The following ARHGAP32 variants were observed in gnomAD, a reference collection of about 807,000 sequenced individuals.
ARHGAP32 encodes Rho GTPase activating protein 32.
In ARHGAP32, 51 loss-of-function variants were observed where a neutral mutation model predicts 186.5. That is an observed-to-expected ratio of 0.27 (90% CI 0.22 to 0.35). The LOEUF (loss-of-function observed/expected upper bound fraction) is 0.35, where lower values mean the gene tolerates loss of function less well. Ranked by LOEUF, ARHGAP32 falls within the 10% of genes least tolerant of loss-of-function variation. The pLI, the probability that ARHGAP32 is intolerant of heterozygous loss-of-function variation, is 1.00. For synonymous variants in ARHGAP32, 950 were observed against 964.3 expected (o/e 0.99, Z 0.27); for missense variants, 2,186 against 2,623.5 (o/e 0.83, Z 3.64).
At chr11:129,062,607 A>G (rs1163527315) in intron 9 of ARHGAP32, among the ~76,000 whole-genome samples, 1 of 152,220 alleles carries the variant, frequency 6.6e-6, no homozygotes, top group East Asian at 1.9e-4. Context: ...GTAACTTCAG[A>G]AAGCCAGATT....
At position 129,159,096 on chromosome 11, in the gene ARHGAP32, G is replaced by A. The variant is rs184801957; in HGVS notation, c.225+5223C>T. 1.5e-3 allele frequency among the ~76,000 whole-genome samples: 226 copies of A among 152,308 alleles called. 1 individual carries two copies. The highest frequency in any genetic ancestry group is 5.0e-3 in the African/African-American group (209 of 41,576). On this transcript the variant is annotated intron_variant, in intron 2 of 22. Transcript: ENST00000682385. ...ATTTATTGCATTAATGACCACAGGAGAAAGTGGGAAAGATCTAAAATTGGT... is the reference window on the plus strand; with the variant it reads ...ATTTATTGCATTAATGACCACAGGAAAAAGTGGGAAAGATCTAAAATTGGT...
chr11:129,106,172 A>G (rs2135319739), intron 5 of ARHGAP32, among the ~76,000 whole-genome samples: 1 of 152,236 alleles, frequency 6.6e-6, no homozygotes, highest in South Asian at 2.1e-4. Flanking sequence ...CCATTACTGG[A>G]TATATATACA....
rs371954838 is a variant in ARHGAP32 at position 128,969,834 on chromosome 11, C to T, written c.5379G>A (p.Ala1793=). 97 of 1,614,038 alleles carry T rather than the reference C, an allele frequency of 6.0e-5. No individual in the cohort carries two copies. Among genetic ancestry groups the T allele is most frequent in the Non-Finnish European group, 6.4e-5 (76 of 1,180,040 alleles). ...VMSQYDNMTP[A]VQDDLGGIYV... Reference sequence around the variant, plus strand: ...AGATCCCACCCAAGTCGTCCTGCACCGCCGGGGTCATGTTATCATATTGGG... The same window carrying T: ...AGATCCCACCCAAGTCGTCCTGCACTGCCGGGGTCATGTTATCATATTGGG... Residue 1793 remains alanine (A), a synonymous_variant, in exon 23 of 23, where the codon GCG becomes GCA. Transcript: ENST00000682385. This position sits in a 1 kb window ranked among gnomAD's most constrained non-coding sequence, Gnocchi z 4.8.
intron 5 of ARHGAP32, among the ~76,000 whole-genome samples, chr11:129,115,977 T>A (rs767178767): frequency 1.8e-4 from 27 of 152,102 alleles, no homozygotes; most frequent in Non-Finnish European, 3.4e-4. Flanking sequence ...AAATCCCACT[T>A]GTAAACACAG....
Position 129,253,548 on chromosome 11 carries a change from C to T in ARHGAP32, c.-5+25598G>A, listed in dbSNP as rs572951880. On this transcript the variant is annotated intron_variant, in intron 1 of 6. Transcript: ENST00000525234. Reference sequence around the variant, plus strand: ...AATTACATGTTGAGGAAAAGTAGCCCACAATATGTGAAAATCTGATACTAA... The same window carrying T: ...AATTACATGTTGAGGAAAAGTAGCCTACAATATGTGAAAATCTGATACTAA... Among the ~76,000 whole-genome samples, 5 of 152,088 alleles carry T rather than the reference C, an allele frequency of 3.3e-5. No individual in the cohort carries two copies. The East Asian group carries it at 9.6e-4, about 29-fold the overall frequency.
chr11:128,998,378 A>G lies in ARHGAP32; in HGVS notation c.1136T>C (p.Leu379Ser). 1 of 1,601,836 alleles carries G rather than the reference A, an allele frequency of 6.2e-7. No homozygotes were observed. Among genetic ancestry groups the G allele is most frequent in the South Asian group, 1.1e-5 (1 of 87,480 alleles). Residue 379 changes from leucine to serine, a missense_variant, in exon 12 of 23, where the codon TTG (leucine) becomes TCG (serine). By Grantham distance (145) the Leu-to-Ser change is moderately radical. Transcript: ENST00000682385. ...TKQKLKQRGI[L>S]KERVFGCDLG... Reference sequence around the variant, plus strand: ...GTCACAACCAAACACCCTCTCTTTCAAGATTCCCCGCTGCTTCAGCTTCTG... The same window carrying G: ...GTCACAACCAAACACCCTCTCTTTCGAGATTCCCCGCTGCTTCAGCTTCTG...
At chr11:129,133,613 C>T (rs1942868675) in intron 2 of ARHGAP32, among the ~76,000 whole-genome samples, 1 of 152,164 alleles carries the variant, frequency 6.6e-6, no homozygotes, top group African/African-American at 2.4e-5. Flanking sequence ...GGAGCAACGT[C>T]TATACAATTC....
chr11:129,060,378 T>TAGAC (rs540314791), intron 10 of ARHGAP32, among the ~76,000 whole-genome samples: 75 of 145,228 alleles, frequency 5.2e-4, no homozygotes, highest in Middle Eastern at 3.5e-3. Context: ...GATAGATAGA[T>TAGAC]AGATAAGATA....
intron 1 of ARHGAP32, among the ~76,000 whole-genome samples, chr11:129,231,127 C>T (rs935547897): frequency 6.6e-6 from 1 of 152,084 alleles, no homozygotes; most frequent in Non-Finnish European, 1.5e-5. Context: ...GAGTAAGACG[C>T]CATCTCAAAA....
At chr11:129,218,598 G>T (rs535988676) in intron 1 of ARHGAP32, among the ~76,000 whole-genome samples, 8 of 152,104 alleles carry the variant, frequency 5.3e-5, no homozygotes, top group Non-Finnish European at 8.8e-5. Flanking sequence ...TATAAAAGGA[G>T]GCAGGAGAGA....
chr11:129,227,363 G>A (rs569029014), intron 1 of ARHGAP32, among the ~76,000 whole-genome samples: 8 of 151,630 alleles, frequency 5.3e-5, no homozygotes, highest in South Asian at 4.2e-4. Context: ...AAAAAATTAC[G>A]TAAGACATAG....
At chr11:128,994,739 A>ATTATT (rs1946152560) in intron 12 of ARHGAP32, among the ~76,000 whole-genome samples, 1 of 152,214 alleles carries the variant, frequency 6.6e-6, no homozygotes, top group Non-Finnish European at 1.5e-5. Flanking sequence ...TTTAGTTAAT[A>ATTATT]AACTTCAAAG....
chr11:129,028,393 A>G (rs1298112842), intron 11 of ARHGAP32, among the ~76,000 whole-genome samples: 1 of 152,230 alleles, frequency 6.6e-6, no homozygotes, highest in Non-Finnish European at 1.5e-5. Context: ...AGCTGAATAT[A>G]GGTAAGAAAT....
At chr11:129,039,813 C>T (rs539823454) in intron 11 of ARHGAP32, among the ~76,000 whole-genome samples, 1 of 152,172 alleles carries the variant, frequency 6.6e-6, no homozygotes, top group Admixed American at 6.5e-5. Flanking sequence ...CAAACAAGTA[C>T]CCACTTAGGA....
chr11:129,064,813 T>C, intron 8 of ARHGAP32, 28 bp downstream of exon 8: 1 of 1,513,088 alleles, frequency 6.6e-7, no homozygotes, highest in Non-Finnish European at 9.0e-7. Flanking sequence ...AAATATACAT[T>C]TTTCATGAAA....
At chr11:129,141,262 T>A (rs1465963062) in intron 2 of ARHGAP32, among the ~76,000 whole-genome samples, 1 of 152,178 alleles carries the variant, frequency 6.6e-6, no homozygotes, top group Admixed American at 6.5e-5. Flanking sequence ...CTTATACGGA[T>A]GTTCTGTTAA....
chr11:129,238,678 G>C (rs1319665468), intron 1 of ARHGAP32, among the ~76,000 whole-genome samples: 1 of 151,790 alleles, frequency 6.6e-6, no homozygotes, highest in African/African-American at 2.4e-5. Flanking sequence ...AGGAGTTCCA[G>C]GGCAGCCTGG....
intron 1 of ARHGAP32, among the ~76,000 whole-genome samples, chr11:129,235,242 C>T (rs1591710234): frequency 6.6e-6 from 1 of 152,062 alleles, no homozygotes; most frequent in Non-Finnish European, 1.5e-5. Flanking sequence ...CCTTCTGAAA[C>T]ATTTCCCTAC....
At chr11:129,218,994 A>G (rs1944680550) in intron 1 of ARHGAP32, among the ~76,000 whole-genome samples, 1 of 152,144 alleles carries the variant, frequency 6.6e-6, no homozygotes, top group Non-Finnish European at 1.5e-5. Context: ...GCCACGGCCA[A>G]CCCTTCAGGG....
Sources: allele counts gnomAD v4.1 joint callset (sites outside exome capture counted in the v4.1 genomes callset), GRCh38; gene constraint gnomAD v4.1.1; non-coding constraint Gnocchi (gnomAD v3.1); transcripts MANE v1.5; gene names NCBI Gene and HGNC (gene_info 2026-07-23, HGNC 2026-07-21).